CD40: variants seen among roughly 807,000 people sequenced by gnomAD.
CD40 encodes the protein CD40 molecule.
In CD40, 19 loss-of-function variants were observed where a neutral mutation model predicts 38.5. The ratio of observed to expected loss-of-function variants is 0.49; its 90% CI spans 0.34 to 0.72. The LOEUF (loss-of-function observed/expected upper bound fraction) is 0.72. Among genes scored for constraint, CD40 ranks in the 30% least tolerant of loss-of-function variants. The pLI is 0.01. For missense variants in CD40, 256 were observed against 344.1 expected (o/e 0.74, Z 2.03); for synonymous variants, 130 against 128.7 (o/e 1.01, Z -0.07).
rs761229326 is a variant in CD40, at chr20:46,122,622, G to A, written c.269G>A (p.Arg90Gln). The change falls in exon 4 of 9, where the codon CGG becomes CAG. Residue 90 changes from arginine (R) to glutamine (Q), a missense_variant. Arg to Gln is a conservative substitution (Grantham distance 43, BLOSUM62 1). Transcript: ENST00000372285. The surrounding 1 kb of genome is among the most constrained non-coding windows in gnomAD (Gnocchi z 5.0). ...CTTCTCTTCTCAGACCTAGGGCTTC[G>A]GGTCCAGCAGAAGGGCACCTCAGAA... ...HKYCDPNLGL[R>Q]VQQKGTSETD... The A allele has an allele frequency of 5.1e-5, 82 of 1,613,946 alleles. No homozygotes were observed. The highest frequency in any genetic ancestry group is 5.0e-4 in the Admixed American group (30 of 59,994).
At chr20:46,118,806 C>T (rs2085263050) in intron 1 of CD40, among the ~76,000 whole-genome samples, 1 of 152,172 alleles carries the variant, frequency 6.6e-6, no homozygotes, top group South Asian at 2.1e-4. Flanking sequence ...AAGTAGTTAT[C>T]ATCTCCTTGC....
At chr20:46,127,999 C>G (rs1332391731) in intron 6 of CD40, 139 bp from the exon 7 acceptor site, 4 of 1,543,844 alleles carry the variant, frequency 2.6e-6, no homozygotes, top group Non-Finnish European at 3.5e-6. Flanking sequence ...GCCACATTTC[C>G]CCAAGGACCG....
chr20:46,127,016 T>C lies in CD40; in HGVS notation c.559+315T>C, dbSNP rs541936926. ...AAAGGTCAGGGGTAAGAAAATTACA[T>C]TCTCTTTACCTAACGCTAAATGACC... On this transcript the variant is annotated intron_variant, in intron 6 of 8. Transcript: ENST00000372285. The C allele has an allele frequency of 1.4e-5, 6 of 433,368 alleles. No homozygotes were observed. In the East Asian group the frequency reaches 2.9e-4, roughly 21 times the overall value. 26.8% of individuals were successfully genotyped at this position (433,368 alleles called of 1,614,324 possible).
At chr20:46,119,580 A>C (rs1240560157) in intron 1 of CD40, among the ~76,000 whole-genome samples, 1 of 152,148 alleles carries the variant, frequency 6.6e-6, no homozygotes, top group South Asian at 2.1e-4. Context: ...ATAACTCCCA[A>C]CTTTGGCTCC....
At position 46,128,247 on chromosome 20, in the gene CD40, G is replaced by A. The variant is rs750401984; in HGVS notation, c.646+23G>A. ...TCAGTGAGTCCTCAGGTGGGGAGGT[G>A]TTGGGGGAGGGAGGGGAGACCACCT... On this transcript the variant is annotated intron_variant, in intron 7 of 8. Coordinates refer to ENST00000372285, the MANE Select transcript of CD40 (RefSeq NM_001250.6). 20 of 1,604,234 alleles carry A rather than the reference G, an allele frequency of 1.2e-5. No homozygotes were observed. In the Admixed American group the frequency reaches 3.4e-4, roughly 27 times the overall value.
intron 5 of CD40, among the ~76,000 whole-genome samples, chr20:46,125,998 C>T (rs1346995550): frequency 1.3e-5 from 2 of 152,158 alleles, no homozygotes; most frequent in Non-Finnish European, 2.9e-5. Context: ...CCTTTAGGGC[C>T]CACTCAGGTC....
At chr20:46,126,797 A>G (rs2085446195) in intron 6 of CD40, 96 bp downstream of exon 6, 1 of 1,601,124 alleles carries the variant, frequency 6.2e-7, no homozygotes, top group South Asian at 1.1e-5. Flanking sequence ...GAAAAAGGGG[A>G]GGGGAGGCAG....
At chr20:46,123,260 G>T in intron 5 of CD40, 41 bp downstream of exon 5, 1 of 1,422,312 alleles carries the variant, frequency 7.0e-7, no homozygotes, top group South Asian at 1.1e-5. Context: ...TCTAAGAGTG[G>T]CATGGAGCTG....
Position 46,129,439 on chromosome 20 carries a change from G to A in CD40, c.*399G>A, listed in dbSNP as rs550037217. Reference sequence around the variant, plus strand: ...AGATGCCCATTGCAGCATTGTTTGTGATAGTGAACAACTGGAAGCTGCTTA... The same window carrying A: ...AGATGCCCATTGCAGCATTGTTTGTAATAGTGAACAACTGGAAGCTGCTTA... On this transcript the variant is annotated 3_prime_UTR_variant, in exon 9 of 9. Coordinates refer to ENST00000372285, the MANE Select transcript of CD40 (RefSeq NM_001250.6). 4.0e-6 allele frequency: 1 copy of A among 250,280 alleles called. No homozygotes were observed. The highest frequency in any genetic ancestry group is 8.0e-6 in the Non-Finnish European group (1 of 124,498). The allele number at this position is 250,280 out of a possible 1,614,324, so 15.5% of individuals were successfully genotyped here.
chr20:46,123,052 GC>G, intron 4 of CD40, 73 bp from the exon 5 acceptor site: 1 of 1,173,828 alleles, frequency 8.5e-7, no homozygotes, highest in Non-Finnish European at 1.3e-6. Context: ...GTCCTGCCTG[GC>G]CACTGGCTGC....
At chr20:46,127,250 G>A (rs11569333) in intron 6 of CD40, 16,057 of 155,036 alleles carry the variant, frequency 0.1, 990 homozygotes, top group Non-Finnish European at 0.15. Flanking sequence ...GCCCTCGGGC[G>A]CAATATTTAA....
At chr20:46,123,283 C>A in intron 5 of CD40, 64 bp downstream of exon 5, 1 of 1,193,566 alleles carries the variant, frequency 8.4e-7, no homozygotes, top group Non-Finnish European at 1.3e-6. Context: ...TCCATTCTCT[C>A]CAGCCACCTG....
chr20:46,128,703 GC>G, intron 8 of CD40, 178 bp from the exon 9 acceptor site: 1 of 690,694 alleles, frequency 1.4e-6, no homozygotes, highest in South Asian at 1.8e-5. Context: ...CACTCTGGAA[GC>G]TCTTCGTCGC....
At position 46,129,316 on chromosome 20, in the gene CD40, G is replaced by A; in HGVS notation, c.*276G>A. The A allele has an allele frequency of 2.2e-6, 1 of 462,988 alleles. No homozygotes were observed. The highest frequency in any genetic ancestry group is 2.0e-5 in the South Asian group (1 of 49,758). The allele number at this position is 462,988 out of a possible 1,614,324, so 28.7% of individuals were successfully genotyped here. ...GAAGTTTGGTGGTGGTGGTGTTGGG[G>A]TATGGTTTAGTAATATCCACCAGAC... is the stretch of plus-strand genomic sequence containing the variant. On this transcript the variant is annotated 3_prime_UTR_variant, in exon 9 of 9. Transcript: ENST00000372285.
At chr20:46,121,665 G>T (rs780808848) in intron 1 of CD40, 155 bp from the exon 2 acceptor site, 61 of 734,430 alleles carry the variant, frequency 8.3e-5, no homozygotes, top group Non-Finnish European at 1.4e-4. Context: ...CAATTTACTT[G>T]AAAACAAACA....
chr20:46,120,803 G>A (rs1018648986), intron 1 of CD40, among the ~76,000 whole-genome samples: 27 of 152,206 alleles, frequency 1.8e-4, no homozygotes, highest in South Asian at 2.1e-4. Context: ...GGTGGCTTGT[G>A]CCTGTAATCC....
chr20:46,123,166 C>T lies in CD40; in HGVS notation c.444C>T (p.Val148=), dbSNP rs745496687. 31 of 1,614,084 alleles carry T rather than the reference C, an allele frequency of 1.9e-5. No homozygotes were observed. In the Admixed American group the frequency reaches 3.0e-4, roughly 16 times the overall value. ...VSDTICEPCP[V]GFFSNVSSAF... ...ATACCATCTGCGAGCCCTGCCCAGT[C>T]GGCTTCTTCTCCAATGTGTCATCTG... Residue 148 remains valine, a synonymous_variant, in exon 5 of 9, where the codon GTC becomes GTT. Transcript: ENST00000372285.
intron 5 of CD40, among the ~76,000 whole-genome samples, chr20:46,124,494 C>A (rs2085382090): frequency 6.6e-6 from 1 of 151,888 alleles, no homozygotes; most frequent in Non-Finnish European, 1.5e-5. Flanking sequence ...TATAAACAAA[C>A]CAACACACAC....
chr20:46,123,587 G>C (rs926373265), intron 5 of CD40, among the ~76,000 whole-genome samples: 1 of 152,114 alleles, frequency 6.6e-6, no homozygotes, highest in Non-Finnish European at 1.5e-5. Flanking sequence ...CACCCTGAGG[G>C]CCTCCCTCTC....
Sources: gnomAD v4.1 joint callset for allele counts (sites outside exome capture counted in the v4.1 genomes callset) on GRCh38, gnomAD v4.1.1 for gene constraint, Gnocchi (gnomAD v3.1) non-coding constraint, MANE v1.5 for transcripts, NCBI Gene and HGNC (gene_info 2026-07-23, HGNC 2026-07-21) for gene names.